The following SP140L variants were observed in gnomAD, a reference collection of about 807,000 sequenced individuals.
SP140L encodes SP140 like nuclear body protein.
In SP140L, 64 loss-of-function variants were observed where a neutral mutation model predicts 84.3. The observed-to-expected ratio is 0.76, with a 90% CI of 0.62 to 0.94. SP140L has a LOEUF of 0.94. Among genes scored for constraint, SP140L ranks in the 40% least tolerant of loss-of-function variants. SP140L has a pLI of 0.00. For missense variants in SP140L, 628 were observed against 692.5 expected (o/e 0.91, Z 1.05); for synonymous variants, 242 against 236.9 (o/e 1.02, Z -0.20).
At chr2:230,361,721 G>T (rs775946533) in intron 5 of SP140L, 24 bp downstream of exon 5, 3 of 1,524,122 alleles carry the variant, frequency 2.0e-6, no homozygotes, top group South Asian at 1.2e-5. Context: ...AATAAAAACG[G>T]TTTCTCATCC....
chr2:230,354,386 AATAG>A (rs2060454149), intron 2 of SP140L, among the ~76,000 whole-genome samples: 2 of 152,326 alleles, frequency 1.3e-5, no homozygotes, highest in Non-Finnish European at 2.9e-5. Context: ...GCAAATTAGA[AATAG>A]ATAGGTAGGA....
At chr2:230,379,397 A>T (rs13025664) in intron 7 of SP140L, among the ~76,000 whole-genome samples, 34,977 of 152,058 alleles carry the variant, frequency 0.23, 4,261 homozygotes, top group Non-Finnish European at 0.28. Context: ...CTTATTAATC[A>T]TGCCCCAAAC....
At chr2:230,356,902 T>TC (rs1291162223) in intron 2 of SP140L, among the ~76,000 whole-genome samples, 21 of 182 alleles carry the variant, frequency 0.12, no homozygotes, top group Admixed American at 0.17. Context: ...AACCAGAAAC[T>TC]TTTTTTTACA....
intron 1 of SP140L, 108 bp downstream of exon 1, chr2:230,327,409 G>A: frequency 7.8e-7 from 1 of 1,276,726 alleles, no homozygotes; most frequent in Admixed American, 2.2e-5. Context: ...TGCTTTGCAA[G>A]AACATAGGTA....
chr2:230,385,811 A>G (rs1006610840), intron 9 of SP140L, among the ~76,000 whole-genome samples: 1 of 152,190 alleles, frequency 6.6e-6, no homozygotes, highest in Non-Finnish European at 1.5e-5. Context: ...AGCCTGGGCA[A>G]GCCTTAGTCT....
At chr2:230,367,096 G>C (rs2060903536) in intron 5 of SP140L, among the ~76,000 whole-genome samples, 1 of 151,836 alleles carries the variant, frequency 6.6e-6, no homozygotes, top group South Asian at 2.1e-4. Flanking sequence ...TTCCTCTAGT[G>C]GTATGCTTTG....
Position 230,383,510 on chromosome 2 carries a change from GA to G in SP140L, c.644del (p.Lys215ArgfsTer38). 1 of 1,601,664 alleles carries G rather than the reference GA, an allele frequency of 6.2e-7. No individual in the cohort carries two copies. ...TAACTTTATTCTCTTTGGTTTGAAG[GA>G]AAAAAGAAGGGGCATGGCTGGAGCA... ...STLGKPKRKR[R>X]KKKGHGWSRM... On this transcript the variant is annotated frameshift_variant and splice_region_variant, in exon 8 of 19. Transcript: ENST00000415673. LOFTEE classifies it high-confidence loss of function.
intron 9 of SP140L, among the ~76,000 whole-genome samples, chr2:230,385,700 T>C (rs3754939): frequency 0.17 from 25,586 of 152,198 alleles, 2,444 homozygotes; most frequent in South Asian, 0.44. Context: ...TCCTGTTCCC[T>C]TTTCACAACA....
At chr2:230,359,922 A>AC (rs879355369) in intron 4 of SP140L, among the ~76,000 whole-genome samples, 12,750 of 152,064 alleles carry the variant, frequency 0.084, 792 homozygotes, top group Middle Eastern at 0.13. Context: ...ACTATACCAA[A>AC]TTAAAGTTTG....
rs545781546 is a variant in SP140L, at chr2:230,403,119, T to C, written c.*223T>C. On this transcript the variant is annotated 3_prime_UTR_variant, in exon 19 of 19. Coordinates refer to ENST00000415673, the MANE Select transcript of SP140L (RefSeq NM_138402.6). ...GGAACTGAGATCACAGGGAAGGAGA[T>C]TGGAGGTGATACCAGCACAGACAGA... is the stretch of plus-strand genomic sequence containing the variant. 3 of 490,328 alleles carry C rather than the reference T, an allele frequency of 6.1e-6. No individual in the cohort carries two copies. The highest frequency in any genetic ancestry group is 3.8e-5 in the East Asian group (1 of 26,232). The allele number at this position is 490,328 out of a possible 1,614,324, so 30.4% of individuals were successfully genotyped here.
At chr2:230,364,327 A>G (rs2060805762) in intron 5 of SP140L, among the ~76,000 whole-genome samples, 1 of 152,112 alleles carries the variant, frequency 6.6e-6, no homozygotes, top group Middle Eastern at 3.4e-3. Flanking sequence ...TTCTTCTTCT[A>G]TTTCTTTAAT....
intron 4 of SP140L, 58 bp from the exon 5 acceptor site, chr2:230,361,556 G>A (rs2149740178): frequency 3.7e-6 from 5 of 1,348,722 alleles, no homozygotes; most frequent in Non-Finnish European, 5.2e-6. Flanking sequence ...CAATTTCCAG[G>A]TGTTGTCCCT....
intron 7 of SP140L, among the ~76,000 whole-genome samples, chr2:230,383,176 A>G (rs1040380566): frequency 7.9e-5 from 12 of 152,368 alleles, no homozygotes; most frequent in African/African-American, 2.9e-4. Context: ...CTCATTGCAC[A>G]TGTGAATTTA....
chr2:230,388,666 A>T, intron 10 of SP140L, 33 bp downstream of exon 10: 1 of 1,530,170 alleles, frequency 6.5e-7, no homozygotes. Context: ...ACTTTCAATA[A>T]CTAAACATCT....
At chr2:230,344,386 C>T (rs984866440) in intron 2 of SP140L, among the ~76,000 whole-genome samples, 1 of 152,112 alleles carries the variant, frequency 6.6e-6, no homozygotes, top group Non-Finnish European at 1.5e-5. Flanking sequence ...TTCCTCCATC[C>T]CTTGGTTTTG....
chr2:230,345,544 G>A (rs925997918), intron 2 of SP140L, among the ~76,000 whole-genome samples: 4 of 148,076 alleles, frequency 2.7e-5, no homozygotes, highest in African/African-American at 9.8e-5. Flanking sequence ...TTTGTATTCT[G>A]GCTGTTTTGT....
chr2:230,401,851 C>T, intron 18 of SP140L, 44 bp downstream of exon 18: 1 of 1,582,768 alleles, frequency 6.3e-7, no homozygotes, highest in Non-Finnish European at 8.6e-7. Context: ...TTCCATCCTT[C>T]CCCTCATTTT....
chr2:230,337,234 C>T (rs1426709662), intron 2 of SP140L, among the ~76,000 whole-genome samples: 1 of 152,018 alleles, frequency 6.6e-6, no homozygotes, highest in Non-Finnish European at 1.5e-5. Context: ...TTGCATTTCT[C>T]TGATGGCCAG....
In SP140L at chr2:230,402,868, C is replaced by A; in HGVS notation, c.1715C>A (p.Ala572Asp). 6.2e-7 allele frequency: 1 copy of A among 1,613,034 alleles called. No individual in the cohort carries two copies. Among genetic ancestry groups the A allele is most frequent in the Non-Finnish European group, 8.5e-7 (1 of 1,179,660 alleles). Residue 572 changes from alanine (A) to aspartate (D), a missense_variant, in exon 19 of 19, where the codon GCT becomes GAT. By Grantham distance (126) the Ala-to-Asp change is moderately radical (BLOSUM62 -2). Coordinates refer to ENST00000415673, the MANE Select transcript of SP140L (RefSeq NM_138402.6). ...EFEKDFKEVF[A>D]IQETNGNS ...GAGAAGGATTTCAAGGAAGTGTTTG[C>A]TATTCAGGAAACAAATGGGAACAGT...
Sources: gnomAD v4.1 joint callset for allele counts (sites outside exome capture counted in the v4.1 genomes callset) on GRCh38, gnomAD v4.1.1 for gene constraint, MANE v1.5 for transcripts, NCBI Gene and HGNC (gene_info 2026-07-23, HGNC 2026-07-21) for gene names.